Variants in PDCD11 observed in about 807,000 individuals in gnomAD.
PDCD11 encodes programmed cell death 11, also known as protein RRP5 homolog.
A neutral mutation model predicts 198.9 loss-of-function variants in PDCD11; 97 were observed. The observed-to-expected ratio is 0.49, with a 90% confidence interval of 0.41 to 0.58. The LOEUF is 0.58. Ranked by LOEUF, PDCD11 falls within the 20% of genes least tolerant of loss-of-function variation. PDCD11 has a pLI of 0.00. For synonymous variants in PDCD11, 893 were observed against 918.0 expected (o/e 0.97, Z 0.49); for missense variants, 2,102 against 2,312.7 (o/e 0.91, Z 1.87).
Position 103,442,585 on chromosome 10 carries a change from A to G in PDCD11, c.4955+125A>G, listed in dbSNP as rs975386088. On this transcript the variant is annotated intron_variant, in intron 32 of 35. Coordinates refer to ENST00000369797, the MANE Select transcript of PDCD11 (RefSeq NM_014976.2). ...TTTGGGTGGCTGCCACCAGGGGCCC[A>G]TGGGTCCTCAGGCTTTCTGCCATAG... is the stretch of plus-strand genomic sequence containing the variant. The G allele has an allele frequency of 7.1e-6, 7 of 985,648 alleles. No individual in the cohort carries two copies. In the African/African-American group the frequency reaches 9.7e-5, roughly 14 times the overall value. The allele number at this position is 985,648 out of a possible 1,614,324, so 61.1% of individuals were successfully genotyped here.
At position 103,400,388 on chromosome 10, in the gene PDCD11, C is replaced by G; in HGVS notation, c.103-9C>G. ...TGGGTCTTTGTGGGCTCCCCCTACC[C>G]GCTTCTAGATTTCTACTGAAGAGGG... is the stretch of plus-strand genomic sequence containing the variant. On this transcript the variant is annotated splice_polypyrimidine_tract_variant and intron_variant, in intron 2 of 35. Coordinates refer to ENST00000369797, the MANE Select transcript of PDCD11 (RefSeq NM_014976.2). 1 of 1,607,802 alleles carries G rather than the reference C, an allele frequency of 6.2e-7. No homozygotes were observed. The highest frequency in any genetic ancestry group is 8.5e-7 in the Non-Finnish European group (1 of 1,178,424).
intron 8 of PDCD11, among the ~76,000 whole-genome samples, chr10:103,410,586 T>C (rs899915235): frequency 6.6e-6 from 1 of 151,230 alleles, no homozygotes; most frequent in African/African-American, 2.4e-5. Context: ...TTCTGGGTGA[T>C]TTTTCTTTTC....
At chr10:103,408,270 T>TG (rs2030582300) in intron 7 of PDCD11, among the ~76,000 whole-genome samples, 1 of 152,066 alleles carries the variant, frequency 6.6e-6, no homozygotes, top group Admixed American at 6.6e-5. Context: ...ATAGCCGGTA[T>TG]CCTAGGACTT....
At chr10:103,407,721 C>G (rs923181493) in intron 7 of PDCD11, among the ~76,000 whole-genome samples, 1 of 151,504 alleles carries the variant, frequency 6.6e-6, no homozygotes, top group African/African-American at 2.4e-5. Flanking sequence ...ACTAGCATGA[C>G]TTTCTTTTTT....
rs769026632 is a variant in PDCD11 at position 103,418,443 on chromosome 10, G to A, written c.1915G>A (p.Val639Ile). ...KGKAINIGQL[V>I]DVKVLEKTKD... The stretch of plus-strand genomic sequence containing the variant: ...TGTCTTTCTCTTCCCTGGGTAGTTG[G>A]TAGATGTGAAGGTTTTAGAGAAGAC... The change falls in exon 15 of 36, where the codon GTA becomes ATA. Residue 639 changes from valine (V) to isoleucine (I), a missense_variant. By Grantham distance (29) the Val-to-Ile change is conservative. Transcript: ENST00000369797. 6.2e-7 allele frequency: 1 copy of A among 1,613,064 alleles called. No individual in the cohort carries two copies. Among genetic ancestry groups the A allele is most frequent in the South Asian group, 1.1e-5 (1 of 91,004 alleles).
intron 11 of PDCD11, 78 bp from the exon 12 acceptor site, chr10:103,414,927 T>G: frequency 6.6e-7 from 1 of 1,512,170 alleles, no homozygotes; most frequent in South Asian, 1.1e-5. Context: ...GAAGGGGAGG[T>G]ATGACATGCC....
chr10:103,424,306 A>G (rs186075076), intron 19 of PDCD11, among the ~76,000 whole-genome samples: 1 of 152,342 alleles, frequency 6.6e-6, no homozygotes, highest in East Asian at 1.9e-4. Context: ...TAAAGCACTT[A>G]TTAGGCACCT....
Position 103,403,001 on chromosome 10 carries a change from C to T in PDCD11, c.235-117C>T, listed in dbSNP as rs550665734. The T allele has an allele frequency of 2.1e-5, 20 of 958,316 alleles. No homozygotes were observed. The Middle Eastern group carries it at 2.4e-3, about 113-fold the overall frequency. 59.4% of individuals were successfully genotyped at this position (958,316 alleles called of 1,614,324 possible). ...CACCCAAAGTATTGGAATTATAGGGCGTAAGCCACTGTGCTTGGCCTTATA... is the reference window on the plus strand; with the variant it reads ...CACCCAAAGTATTGGAATTATAGGGTGTAAGCCACTGTGCTTGGCCTTATA... On this transcript the variant is annotated intron_variant, in intron 3 of 35. Coordinates refer to ENST00000369797, the MANE Select transcript of PDCD11 (RefSeq NM_014976.2).
chr10:103,432,080 G>A (rs2031958729), intron 21 of PDCD11, 49 bp from the exon 22 acceptor site: 3 of 1,404,400 alleles, frequency 2.1e-6, no homozygotes, highest in Middle Eastern at 3.5e-4. Flanking sequence ...CAAACTGGAA[G>A]TCTTATCCAG....
At chr10:103,419,441 A>G in intron 15 of PDCD11, 97 bp from the exon 16 acceptor site, 3 of 1,312,080 alleles carry the variant, frequency 2.3e-6, no homozygotes, top group Non-Finnish European at 1.1e-6. Context: ...AGCAGAGATC[A>G]GCCTGCAGTT....
Position 103,406,702 on chromosome 10 carries a change from A to G in PDCD11, c.782A>G (p.Glu261Gly). The G allele has an allele frequency of 6.2e-7, 1 of 1,614,190 alleles. No homozygotes were observed. The highest frequency in any genetic ancestry group is 8.5e-7 in the Non-Finnish European group (1 of 1,180,032). Residue 261 changes from glutamate to glycine, a missense_variant, in exon 7 of 36, where the codon GAG becomes GGG. Physicochemically the swap from Glu to Gly is moderately conservative, Grantham distance 98 (BLOSUM62 -2). Transcript: ENST00000369797. The stretch of plus-strand genomic sequence containing the variant: ...GTTAGTCTGTCTGTTGGTCACTCAG[A>G]GGTTTCTACGGCCATTGCTACTGAA... ...GVVSLSVGHS[E>G]VSTAIATEQQ... is the part of the protein sequence containing the mutation.
At chr10:103,444,314 T>G in intron 34 of PDCD11, 1 of 628,428 alleles carries the variant, frequency 1.6e-6, no homozygotes, top group Non-Finnish European at 2.8e-6. Context: ...ACCTCTTCTG[T>G]GCCCAGAGAG....
At chr10:103,439,654 A>C in intron 27 of PDCD11, 92 bp from the exon 28 acceptor site, 1 of 1,460,182 alleles carries the variant, frequency 6.8e-7, no homozygotes, top group South Asian at 1.1e-5. Context: ...CCTTGTCACA[A>C]CTTGAGTCCC....
rs147797226 is a variant in PDCD11, at chr10:103,415,388, G to A, written c.1518+237G>A. Among the ~76,000 whole-genome samples the A allele has an allele frequency of 4.2e-3, 636 of 152,314 alleles. 1 individual carries two copies. The highest frequency in any genetic ancestry group is 6.5e-3 in the Non-Finnish European group (445 of 68,030). ...CCTGTGATCTTTTGCCATGTGGCTT[G>A]GTGCAGGTTGTGTGCTGTGGTCACA... is the stretch of plus-strand genomic sequence containing the variant. On this transcript the variant is annotated intron_variant, in intron 12 of 35. Transcript: ENST00000369797.
chr10:103,432,159 C>CAA lies in PDCD11; in HGVS notation c.3400_3401insAA (p.Thr1134LysfsTer24). 6.2e-7 allele frequency: 1 copy of CAA among 1,613,880 alleles called. No individual in the cohort carries two copies. The highest frequency in any genetic ancestry group is 8.5e-7 in the Non-Finnish European group (1 of 1,179,732). On this transcript the variant is annotated frameshift_variant, in exon 22 of 36. Transcript: ENST00000369797. LOFTEE classifies it high-confidence loss of function. ...TGGAGGATGGCCACACTGCTCTTAA[C>CAA]ACTCACTCTGTTAGCCCCATGGAGA... is the stretch of plus-strand genomic sequence containing the variant.
chr10:103,433,957 G>T lies in PDCD11; in HGVS notation c.3484G>T (p.Val1162Leu). Residue 1162 changes from valine to leucine, a missense_variant, in exon 23 of 36, where the codon GTG becomes TTG. Coordinates refer to ENST00000369797, the MANE Select transcript of PDCD11 (RefSeq NM_014976.2). ...VTCFLKKYNVVKKWLEVEIAP... is the reference protein window; with the variant it reads ...VTCFLKKYNVLKKWLEVEIAP... ...CCTTTTTTTCCCTCAGTACAATGTG[G>T]TGAAGAAATGGCTTGAGGTGGAGAT... 1 of 1,612,912 alleles carries T rather than the reference G, an allele frequency of 6.2e-7. No homozygotes were observed. Among genetic ancestry groups the T allele is most frequent in the Non-Finnish European group, 8.5e-7 (1 of 1,178,872 alleles).
intron 4 of PDCD11, among the ~76,000 whole-genome samples, 168 bp downstream of exon 4, chr10:103,403,453 G>T (rs1165836959): frequency 2.6e-5 from 4 of 152,154 alleles, no homozygotes; most frequent in African/African-American, 4.8e-5. Context: ...GTTGAGGAAG[G>T]GATGCTTAAG....
intron 20 of PDCD11, among the ~76,000 whole-genome samples, chr10:103,426,500 C>G (rs1376748010): frequency 1.3e-5 from 2 of 152,098 alleles, no homozygotes; most frequent in African/African-American, 4.8e-5. Context: ...ATATGACAAT[C>G]CTAAAAGATC....
intron 18 of PDCD11, 26 bp from the exon 19 acceptor site, chr10:103,423,517 A>G (rs2133717058): frequency 6.6e-7 from 1 of 1,505,654 alleles, no homozygotes; most frequent in Non-Finnish European, 9.2e-7. Flanking sequence ...CCAGAAGGAT[A>G]ATCACACTGT....
Sources: allele counts gnomAD v4.1 joint callset (sites outside exome capture counted in the v4.1 genomes callset), GRCh38; gene constraint gnomAD v4.1.1; transcripts MANE v1.5; gene names NCBI Gene and HGNC (gene_info 2026-07-23, HGNC 2026-07-21).